Variants in KPNB1 observed in about 807,000 individuals in gnomAD.
The protein encoded by KPNB1 is karyopherin subunit beta 1, also known as importin subunit beta-1.
In KPNB1, 7 loss-of-function variants were observed where a neutral mutation model predicts 113.0. The ratio of observed to expected loss-of-function variants is 0.06; its 90% CI spans 0.04 to 0.12. The LOEUF is 0.12. Among genes scored for constraint, KPNB1 ranks in the 10% least tolerant of loss-of-function variants. KPNB1 has a pLI of 1.00. For synonymous variants in KPNB1, 363 were observed against 378.6 expected, an observed-to-expected ratio of 0.96 and a Z score of 0.48; for missense variants, 400 against 1,054.8, an observed-to-expected ratio of 0.38 and a Z score of 8.60.
intron 5 of KPNB1, among the ~76,000 whole-genome samples, chr17:47,658,893 G>T (rs578034047): frequency 3.3e-5 from 5 of 152,220 alleles, no homozygotes; most frequent in African/African-American, 1.2e-4. Flanking sequence ...TTTTCCTTTT[G>T]CAGTCCAAAG....
intron 6 of KPNB1, among the ~76,000 whole-genome samples, chr17:47,661,464 T>C (rs2030093142): frequency 6.6e-6 from 1 of 151,906 alleles, no homozygotes; most frequent in African/African-American, 2.4e-5. Context: ...TAGCTGGGTG[T>C]GGTGGCACGT....
rs1299530974 is a variant in KPNB1, at chr17:47,684,246, C to T, written c.*1842C>T. 1 of 151,966 alleles carries T rather than the reference C, an allele frequency of 6.6e-6. No individual in the cohort carries two copies. The highest frequency in any genetic ancestry group is 1.5e-5 in the Non-Finnish European group (1 of 68,004). 9.4% of individuals were successfully genotyped at this position (151,966 alleles called of 1,614,324 possible). A position where few individuals can be genotyped will look rare whatever the true frequency, so the allele number is the denominator to read the frequency against. On this transcript the variant is annotated 3_prime_UTR_variant, in exon 22 of 22. Transcript: ENST00000290158. ...TAAGTGGGATTGGCTCAGTTTTGCC[C>T]ATCCATATGGCAGCATCTCTAATAG...
chr17:47,651,793 G>C (rs1915581053), intron 2 of KPNB1, among the ~76,000 whole-genome samples: 2 of 152,180 alleles, frequency 1.3e-5, no homozygotes, highest in Admixed American at 6.5e-5. Context: ...TTTGGGCACG[G>C]TTTTTGGTGG....
At chr17:47,663,015 C>A in intron 6 of KPNB1, 74 bp from the exon 7 acceptor site, 1 of 810,030 alleles carries the variant, frequency 1.2e-6, no homozygotes, top group Non-Finnish European at 2.2e-6. Flanking sequence ...GATTATTGGC[C>A]CATTTGAGTG....
In KPNB1 at chr17:47,669,725, T is replaced by C; in HGVS notation, c.1272T>C (p.Val424=). ...TAATGAAAGACCCCAGTGTAGTTGT[T>C]CGAGATACAGCTGCATGGACTGTAG... The part of the protein sequence containing the change: ...IELMKDPSVV[V]RDTAAWTVGR... Residue 424 remains valine, a synonymous_variant, in exon 11 of 22, where the codon GTT becomes GTC. Transcript: ENST00000290158. 1.2e-6 allele frequency: 2 copies of C among 1,613,728 alleles called. No individual in the cohort carries two copies. The highest frequency in any genetic ancestry group is 1.7e-6 in the Non-Finnish European group (2 of 1,179,640).
Position 47,667,652 on chromosome 17 carries a change from G to C in KPNB1, c.1000-534G>C, listed in dbSNP as rs531912625. Among the ~76,000 whole-genome samples, 3 of 151,242 alleles carry C rather than the reference G, an allele frequency of 2.0e-5. No individual in the cohort carries two copies. In the East Asian group the frequency reaches 5.9e-4, roughly 29 times the overall value. ...GGCTCACTGCAACCTCCGCCTTCCA[G>C]GTTCAAGCAATTCTCCTGCCTTGGC... On this transcript the variant is annotated intron_variant, in intron 9 of 21. Coordinates refer to ENST00000290158, the MANE Select transcript of KPNB1 (RefSeq NM_002265.6).
chr17:47,658,722 G>GT (rs2029986656), intron 5 of KPNB1, 62 bp downstream of exon 5: 3 of 1,445,966 alleles, frequency 2.1e-6, no homozygotes, highest in African/African-American at 1.4e-5. Context: ...TTGAATGAAA[G>GT]TTTTTTGTTT....
At chr17:47,656,392 A>G (rs2029904420) in intron 3 of KPNB1, among the ~76,000 whole-genome samples, 1 of 152,192 alleles carries the variant, frequency 6.6e-6, no homozygotes, top group Non-Finnish European at 1.5e-5. Context: ...CTAAAAACCC[A>G]AAAAAGTTAG....
chr17:47,673,669 G>C (rs1055623858), intron 14 of KPNB1, 108 bp downstream of exon 14: 7 of 833,126 alleles, frequency 8.4e-6, no homozygotes, highest in Non-Finnish European at 1.4e-5. Context: ...AGATGATGCG[G>C]ATCAGAAGCT....
intron 17 of KPNB1, 78 bp downstream of exon 17, chr17:47,677,205 C>A: frequency 1.3e-6 from 1 of 785,988 alleles, no homozygotes; most frequent in Non-Finnish European, 1.8e-6. Context: ...AAATATCGAC[C>A]AGGCTGGGCG....
chr17:47,653,271 A>ATTTTTTTTTTTTTTTTT (rs3067142), intron 3 of KPNB1, among the ~76,000 whole-genome samples: 2 of 109,866 alleles, frequency 1.8e-5, no homozygotes, highest in Non-Finnish European at 3.6e-5. Context: ...AGCTCAGGGA[A>ATTTTTTTTTTTTTTTTT]TTTTTTTTTT....
chr17:47,671,342 G>A (rs1345033142), intron 12 of KPNB1, among the ~76,000 whole-genome samples: 2 of 152,176 alleles, frequency 1.3e-5, no homozygotes, highest in Non-Finnish European at 2.9e-5. Context: ...GAATTGTTCA[G>A]TTTACAGCTG....
In KPNB1 at chr17:47,680,520, A is replaced by T; in HGVS notation, c.2481A>T (p.Thr827=). ...TTGTTTTGCACAGGGACTTATGTAC[A>T]GCATTTGGGAAGGATGTACTGAAAT... ...CAAGLIGDLC[T]AFGKDVLKLV... Residue 827 remains threonine (T), a synonymous_variant, in exon 21 of 22, where the codon ACA becomes ACT. Transcript: ENST00000290158. 1 of 1,614,252 alleles carries T rather than the reference A, an allele frequency of 6.2e-7. No individual in the cohort carries two copies. The highest frequency in any genetic ancestry group is 1.7e-5 in the Admixed American group (1 of 60,032).
At chr17:47,657,552 A>T (rs564172240) in intron 4 of KPNB1, among the ~76,000 whole-genome samples, 1 of 152,316 alleles carries the variant, frequency 6.6e-6, no homozygotes, top group South Asian at 2.1e-4. Flanking sequence ...GACTTTATGA[A>T]GCAAAGGAGC....
At chr17:47,673,464 A>G in intron 13 of KPNB1, 26 bp from the exon 14 acceptor site, 1 of 1,577,264 alleles carries the variant, frequency 6.3e-7, no homozygotes, top group Non-Finnish European at 8.7e-7. Flanking sequence ...TTTCATGTAG[A>G]GTATGTTTTC....
Position 47,674,757 on chromosome 17 carries a change from G to C in KPNB1, c.1887G>C (p.Leu629=), listed in dbSNP as rs749505079. The change falls in exon 15 of 22, where the codon CTG becomes CTC. Residue 629 remains leucine, a synonymous_variant. Coordinates refer to ENST00000290158, the MANE Select transcript of KPNB1 (RefSeq NM_002265.6). ...CTGGGGGAGTACAAGAGGATGCCCTGATGGCAGTTAGCACACTGGTGGAAG... is the reference window on the plus strand; with the variant it reads ...CTGGGGGAGTACAAGAGGATGCCCTCATGGCAGTTAGCACACTGGTGGAAG... ...AGSGGVQEDA[L]MAVSTLVEVL... 2.5e-6 allele frequency: 4 copies of C among 1,612,934 alleles called. No individual in the cohort carries two copies. In the African/African-American group the frequency reaches 4.0e-5, roughly 16 times the overall value.
chr17:47,676,297 C>T, intron 15 of KPNB1, 112 bp from the exon 16 acceptor site: 1 of 775,560 alleles, frequency 1.3e-6, no homozygotes, highest in Non-Finnish European at 2.2e-6. Context: ...ACATTTCACC[C>T]AACCTGTTGA....
At chr17:47,664,121 A>T in intron 7 of KPNB1, 38 bp from the exon 8 acceptor site, 1 of 1,340,630 alleles carries the variant, frequency 7.5e-7, no homozygotes. Flanking sequence ...CACTTGAATC[A>T]GTACTTATTT....
At chr17:47,666,615 A>C (rs1326815039) in intron 9 of KPNB1, among the ~76,000 whole-genome samples, 1 of 144,986 alleles carries the variant, frequency 6.9e-6, no homozygotes, top group Non-Finnish European at 1.5e-5. Context: ...TATATTTTAT[A>C]TATATTATAT....
Sources: allele counts gnomAD v4.1 joint callset (sites outside exome capture counted in the v4.1 genomes callset), GRCh38; gene constraint gnomAD v4.1.1; transcripts MANE v1.5; gene names NCBI Gene and HGNC (gene_info 2026-07-23, HGNC 2026-07-21).